The following COMMD10 variants were observed in gnomAD, a reference collection of about 807,000 sequenced individuals.
COMMD10 encodes the protein COMM domain-containing protein 10.
A neutral mutation model predicts 28.9 loss-of-function variants in COMMD10; 33 were observed. The observed-to-expected ratio is 1.14, with a 90% CI of 0.87 to 1.53. COMMD10 has a LOEUF of 1.53. Ranked by LOEUF, COMMD10 falls within the 40% of genes most tolerant of loss-of-function variation. The pLI, the probability that COMMD10 is intolerant of heterozygous loss-of-function variation, is 0.00. For synonymous variants in COMMD10, 110 were observed against 81.7 expected (o/e 1.35, Z -1.87); for missense variants, 310 against 233.4 (o/e 1.33, Z -2.14).
chr5:116,150,282 A>G (rs1273429345), intron 5 of COMMD10, among the ~76,000 whole-genome samples: 3 of 152,146 alleles, frequency 2.0e-5, no homozygotes, highest in African/African-American at 4.8e-5. Flanking sequence ...GTTTGAAGTC[A>G]GGTAGTGTGA....
At chr5:116,177,545 G>T (rs1194567778) in intron 5 of COMMD10, among the ~76,000 whole-genome samples, 5 of 147,796 alleles carry the variant, frequency 3.4e-5, no homozygotes, top group Admixed American at 3.4e-4. Flanking sequence ...CCCCACTGCA[G>T]AATAATGTGA....
intron 5 of COMMD10, among the ~76,000 whole-genome samples, chr5:116,220,248 G>C (rs1293854933): frequency 2.0e-5 from 3 of 152,130 alleles, no homozygotes; most frequent in Non-Finnish European, 2.9e-5. Flanking sequence ...TAACAATCTA[G>C]GTACTGAGTT....
At chr5:116,275,918 C>T (rs78743478) in intron 5 of COMMD10, among the ~76,000 whole-genome samples, 3,572 of 150,632 alleles carry the variant, frequency 0.024, 200 homozygotes, top group African/African-American at 0.083. Context: ...ATCCTGGCTC[C>T]TTTTAGAGGG....
intron 5 of COMMD10, among the ~76,000 whole-genome samples, chr5:116,237,798 TAGC>T (rs1359218122): frequency 1.3e-5 from 2 of 152,196 alleles, no homozygotes; most frequent in East Asian, 1.9e-4. Flanking sequence ...TCTTGCAAGT[TAGC>T]AGTGGTGTTA....
At chr5:116,184,610 A>G (rs139531888) in intron 5 of COMMD10, among the ~76,000 whole-genome samples, 14 of 152,202 alleles carry the variant, frequency 9.2e-5, no homozygotes, top group African/African-American at 2.4e-4. Context: ...AGCAGCGTCA[A>G]CTTTTACTCC....
At chr5:116,272,339 T>C (rs1007717911) in intron 5 of COMMD10, among the ~76,000 whole-genome samples, 1 of 151,860 alleles carries the variant, frequency 6.6e-6, no homozygotes, top group African/African-American at 2.4e-5. Flanking sequence ...TTGAAACTCT[T>C]GTAAAATTGC....
chr5:116,120,981 A>G (rs1751410928), intron 4 of COMMD10, among the ~76,000 whole-genome samples: 1 of 150,634 alleles, frequency 6.6e-6, no homozygotes, highest in South Asian at 2.1e-4. Flanking sequence ...ATAGGCCTAT[A>G]TTTTCTTTTT....
At chr5:116,278,398 A>T (rs901169076) in intron 5 of COMMD10, among the ~76,000 whole-genome samples, 2 of 151,842 alleles carry the variant, frequency 1.3e-5, no homozygotes, top group Admixed American at 1.3e-4. Flanking sequence ...AATGAATACT[A>T]TACAAGGTGT....
At chr5:116,164,801 T>G (rs1473862740) in intron 5 of COMMD10, among the ~76,000 whole-genome samples, 1 of 151,990 alleles carries the variant, frequency 6.6e-6, no homozygotes, top group African/African-American at 2.4e-5. Flanking sequence ...CTTAGGGGGG[T>G]TGTGTTGCAC....
intron 5 of COMMD10, among the ~76,000 whole-genome samples, chr5:116,196,611 A>C (rs1476417616): frequency 6.6e-6 from 1 of 151,926 alleles, no homozygotes; most frequent in African/African-American, 2.4e-5. Flanking sequence ...TATGGAGTTA[A>C]TGTTTTACTG....
intron 4 of COMMD10, among the ~76,000 whole-genome samples, chr5:116,111,298 A>C (rs946840509): frequency 6.6e-6 from 1 of 150,766 alleles, no homozygotes; most frequent in Admixed American, 6.6e-5. Context: ...TTACTTCTTT[A>C]CTTCTGCTAA....
chr5:116,192,264 C>A (rs199589084), intron 5 of COMMD10, among the ~76,000 whole-genome samples: 3 of 2,100 alleles, frequency 1.4e-3, no homozygotes, highest in South Asian at 0.016. Flanking sequence ...CTTTAACAAC[C>A]CCCCCCCCCA....
intron 5 of COMMD10, among the ~76,000 whole-genome samples, chr5:116,270,924 C>A (rs1436260145): frequency 6.6e-6 from 1 of 151,440 alleles, no homozygotes; most frequent in African/African-American, 2.4e-5. Context: ...GGGCAACGAG[C>A]AAAACTCTGT....
intron 4 of COMMD10, among the ~76,000 whole-genome samples, chr5:116,106,265 G>T (rs971892502): frequency 7.9e-5 from 12 of 152,066 alleles, no homozygotes; most frequent in African/African-American, 2.9e-4. Context: ...TCAGCGGCAG[G>T]TTGTTCAGTT....
chr5:116,262,679 G>A, intron 5 of COMMD10, among the ~76,000 whole-genome samples: 1 of 151,940 alleles, frequency 6.6e-6, no homozygotes, highest in Middle Eastern at 3.4e-3. Context: ...GAAGTGAGCT[G>A]CAGATACAAT....
chr5:116,102,208 T>C (rs1033422121), intron 4 of COMMD10, among the ~76,000 whole-genome samples: 3 of 152,222 alleles, frequency 2.0e-5, no homozygotes, highest in South Asian at 4.1e-4. Flanking sequence ...TTGAAGTCTC[T>C]TAATTCATCT....
chr5:116,138,165 A>G (rs1752085772), intron 5 of COMMD10, among the ~76,000 whole-genome samples: 1 of 151,932 alleles, frequency 6.6e-6, no homozygotes, highest in African/African-American at 2.4e-5. Context: ...TATTAATCAT[A>G]TACATATAGA....
chr5:116,193,212 A>G (rs974383041), intron 5 of COMMD10, among the ~76,000 whole-genome samples: 2 of 152,214 alleles, frequency 1.3e-5, no homozygotes, highest in African/African-American at 4.8e-5. Flanking sequence ...AACCTCTTCA[A>G]AGAATAAATA....
At chr5:116,102,208 T>G (rs1033422121) in intron 4 of COMMD10, among the ~76,000 whole-genome samples, 1 of 152,222 alleles carries the variant, frequency 6.6e-6, no homozygotes, top group Admixed American at 6.5e-5. Flanking sequence ...TTGAAGTCTC[T>G]TAATTCATCT....
Sources: allele counts gnomAD v4.1 joint callset (sites outside exome capture counted in the v4.1 genomes callset), GRCh38; gene constraint gnomAD v4.1.1; transcripts MANE v1.5; gene names NCBI Gene and HGNC (gene_info 2026-07-23, HGNC 2026-07-21).